Variants in SLIT3 observed in about 807,000 individuals in gnomAD.
SLIT3 encodes slit guidance ligand 3.
A neutral mutation model predicts 184.0 loss-of-function variants in SLIT3; 68 were observed. The observed-to-expected ratio is 0.37, with a 90% CI of 0.30 to 0.45. The LOEUF (loss-of-function observed/expected upper bound fraction) is 0.45. Among genes scored for constraint, SLIT3 ranks in the 20% least tolerant of loss-of-function variants. The pLI is 1.00. For synonymous variants in SLIT3, 831 were observed against 828.6 expected (o/e 1.00, Z -0.05); for missense variants, 1,707 against 2,026.0 (o/e 0.84, Z 3.02).
intron 3 of SLIT3, among the ~76,000 whole-genome samples, chr5:169,209,738 T>C (rs1051662464): frequency 2.0e-5 from 3 of 151,384 alleles, no homozygotes; most frequent in African/African-American, 7.3e-5. Context: ...TAATTGGGAG[T>C]TGAACAACGA....
chr5:169,047,704 G>T (rs1482402632), intron 4 of SLIT3, among the ~76,000 whole-genome samples: 1 of 152,044 alleles, frequency 6.6e-6, no homozygotes, highest in African/African-American at 2.4e-5. Context: ...TTCATTCTGG[G>T]GGCCTTCATA....
chr5:168,763,829 T>A (rs546553818), intron 14 of SLIT3, among the ~76,000 whole-genome samples: 24 of 152,298 alleles, frequency 1.6e-4, no homozygotes, highest in African/African-American at 5.8e-4. Flanking sequence ...AAACAAGAGA[T>A]GGGTCCACAT....
chr5:168,844,559 G>A, intron 6 of SLIT3, 25 bp downstream of exon 6: 1 of 1,610,676 alleles, frequency 6.2e-7, no homozygotes, highest in Non-Finnish European at 8.5e-7. Flanking sequence ...GCACACACAA[G>A]GCAGCGATCG....
chr5:168,725,115 CCAG>C (rs1260912777), intron 20 of SLIT3, among the ~76,000 whole-genome samples: 3 of 152,074 alleles, frequency 2.0e-5, no homozygotes, highest in African/African-American at 7.2e-5. Flanking sequence ...ACTACAGTTC[CCAG>C]CAGAAGGACT....
chr5:168,804,879 T>C (rs376986396), intron 9 of SLIT3, among the ~76,000 whole-genome samples: 85 of 152,262 alleles, frequency 5.6e-4, no homozygotes, highest in African/African-American at 2.0e-3. Flanking sequence ...TCTCATCCCC[T>C]GTTACCATCC....
chr5:169,129,105 C>G (rs1458317625), intron 4 of SLIT3, among the ~76,000 whole-genome samples: 1 of 152,128 alleles, frequency 6.6e-6, no homozygotes, highest in Non-Finnish European at 1.5e-5. Flanking sequence ...CTACAATTTG[C>G]CATACTCTGC....
At chr5:169,057,510 C>A (rs1379886204) in intron 4 of SLIT3, among the ~76,000 whole-genome samples, 1 of 152,180 alleles carries the variant, frequency 6.6e-6, no homozygotes, top group East Asian at 1.9e-4. Flanking sequence ...CTGAAAGTGC[C>A]CATAAGCTCC....
At chr5:169,231,352 G>A (rs1764995286) in intron 3 of SLIT3, among the ~76,000 whole-genome samples, 1 of 152,086 alleles carries the variant, frequency 6.6e-6, no homozygotes, top group Admixed American at 6.6e-5. Context: ...AAATCCCTTA[G>A]TGCCCCTCTC....
At chr5:169,128,276 A>T (rs1036408198) in intron 4 of SLIT3, among the ~76,000 whole-genome samples, 5 of 147,198 alleles carry the variant, frequency 3.4e-5, no homozygotes, top group South Asian at 4.2e-4. Context: ...ATATATATTT[A>T]TATATATATA....
In SLIT3 at chr5:168,753,966, G is replaced by T; in HGVS notation, c.1727C>A (p.Ala576Asp). Residue 576 changes from alanine to aspartate, a missense_variant, in exon 17 of 36, where the codon GCT (alanine) becomes GAT (aspartate). Around this residue, in one of 3 missense-constraint regions of SLIT3, gnomAD observed 1,307 missense variants for 1,511.6 expected, o/e 0.86. Coordinates refer to ENST00000519560, the MANE Select transcript of SLIT3 (RefSeq NM_003062.4). ...CTGCACGCTGGCTGCTCCATCGAAA[G>T]CTCCCTCTCGCACCTCCTTGATCTT... ...NNKIKEVREGAFDGAASVQEL... is the reference protein window; with the variant it reads ...NNKIKEVREGDFDGAASVQEL... 6.2e-7 allele frequency: 1 copy of T among 1,608,580 alleles called. No individual in the cohort carries two copies.
chr5:169,095,095 T>C (rs768633171), intron 4 of SLIT3, among the ~76,000 whole-genome samples: 1 of 152,214 alleles, frequency 6.6e-6, no homozygotes, highest in African/African-American at 2.4e-5. Flanking sequence ...TCGGTAGTTT[T>C]GAAACTTTAT....
intron 4 of SLIT3, among the ~76,000 whole-genome samples, chr5:168,965,065 G>A (rs1200880039): frequency 6.6e-6 from 1 of 152,124 alleles, no homozygotes; most frequent in Non-Finnish European, 1.5e-5. Context: ...GGTGCACCCT[G>A]GGCACCTTGC....
At chr5:168,823,404 G>A (rs771344584) in intron 6 of SLIT3, 73 bp from the exon 7 acceptor site, 8 of 1,082,916 alleles carry the variant, frequency 7.4e-6, no homozygotes, top group Admixed American at 3.4e-5. Context: ...GTAGTAGGTC[G>A]GGGGAGGGAT....
chr5:168,860,241 T>C (rs1759052515), intron 5 of SLIT3, among the ~76,000 whole-genome samples: 1 of 152,298 alleles, frequency 6.6e-6, no homozygotes, highest in Middle Eastern at 3.4e-3. Flanking sequence ...GGCAGAGAAG[T>C]AAGGACTTGA....
intron 3 of SLIT3, among the ~76,000 whole-genome samples, chr5:169,235,796 G>T (rs1378304521): frequency 6.6e-6 from 1 of 152,196 alleles, no homozygotes; most frequent in African/African-American, 2.4e-5. Context: ...GAGATGATGG[G>T]TTTCGGGGAG....
At chr5:168,702,212 C>T (rs767537120) in intron 26 of SLIT3, among the ~76,000 whole-genome samples, 2 of 152,188 alleles carry the variant, frequency 1.3e-5, no homozygotes, top group Admixed American at 6.5e-5. Flanking sequence ...CCCACTTTGC[C>T]GAGCACATTT....
chr5:168,977,376 C>A (rs564675978), intron 4 of SLIT3, among the ~76,000 whole-genome samples: 1 of 152,290 alleles, frequency 6.6e-6, no homozygotes, highest in Non-Finnish European at 1.5e-5. Context: ...AATGTGCTGG[C>A]CTTATGGCTA....
chr5:168,865,509 T>C (rs560049998), intron 5 of SLIT3, among the ~76,000 whole-genome samples: 1 of 152,338 alleles, frequency 6.6e-6, no homozygotes, highest in South Asian at 2.1e-4. Flanking sequence ...TGTGATTCCA[T>C]TTATATGAAA....
rs1761409961 is a variant in SLIT3, at chr5:168,915,686, C to T, written c.414-32350G>A. On this transcript the variant is annotated intron_variant, in intron 4 of 35. Transcript: ENST00000519560. ...AATACTGTTTTGGAAATCCACTTTG[C>T]ATTTTATACTTACAGCATACCTTAA... Among the ~76,000 whole-genome samples the T allele has an allele frequency of 2.6e-5, 4 of 151,978 alleles. 1 individual carries two copies. The highest frequency in any genetic ancestry group is 9.6e-5 in the African/African-American group (4 of 41,468).
Sources: allele counts gnomAD v4.1 joint callset (sites outside exome capture counted in the v4.1 genomes callset), GRCh38; gene constraint gnomAD v4.1.1; regional missense constraint gnomAD v4.1.1; transcripts MANE v1.5; gene names NCBI Gene and HGNC (gene_info 2026-07-23, HGNC 2026-07-21).